ZNF565: variants seen among roughly 807,000 people sequenced by gnomAD.
ZNF565 encodes the protein zinc finger protein 565.
ZNF565 carries 27 observed loss-of-function variants against 39.4 expected under a neutral mutation model. That is an observed-to-expected ratio of 0.69 (90% CI 0.51 to 0.95). The LOEUF is 0.95. Ranked by LOEUF, ZNF565 falls within the 40% of genes least tolerant of loss-of-function variation. The pLI is 0.00. For synonymous variants in ZNF565, 185 were observed against 216.6 expected (o/e 0.85, Z 1.28); for missense variants, 524 against 621.1 (o/e 0.84, Z 1.66).
At chr19:36,190,524 G>A (rs1051557088) in intron 4 of ZNF565, among the ~76,000 whole-genome samples, 1 of 150,184 alleles carries the variant, frequency 6.7e-6, no homozygotes, top group African/African-American at 2.5e-5. Context: ...TGCGATGAGC[G>A]GAGATCTCGC....
At chr19:36,199,506 C>CTT (rs1183093969) in intron 2 of ZNF565, among the ~76,000 whole-genome samples, 29 of 128,910 alleles carry the variant, frequency 2.2e-4, no homozygotes, top group African/African-American at 3.9e-4. Flanking sequence ...CTTTCTTTCT[C>CTT]TTTTTTTTTT....
At chr19:36,190,010 T>C (rs1341809243) in intron 4 of ZNF565, among the ~76,000 whole-genome samples, 3 of 151,858 alleles carry the variant, frequency 2.0e-5, no homozygotes, top group Admixed American at 2.0e-4. Flanking sequence ...ATTTTTGTAT[T>C]TTTAGTAGAG....
intron 1 of ZNF565, among the ~76,000 whole-genome samples, chr19:36,224,793 C>T (rs1599968954): frequency 1.3e-5 from 2 of 152,094 alleles, no homozygotes; most frequent in South Asian, 2.1e-4. Context: ...TCTTTATGTA[C>T]GTGATACGTA....
At chr19:36,185,481 C>G (rs962924317) in intron 4 of ZNF565, among the ~76,000 whole-genome samples, 1 of 151,798 alleles carries the variant, frequency 6.6e-6, no homozygotes, top group Non-Finnish European at 1.5e-5. Flanking sequence ...CAAAGCAGAT[C>G]CCTGCTTGTT....
chr19:36,183,219 T>G lies in ZNF565; in HGVS notation c.747A>C (p.Lys249Asn), dbSNP rs531969086. The change falls in exon 5 of 5, where the codon AAA becomes AAC. Residue 249 changes from lysine (K) to asparagine (N), a missense_variant. Physicochemically the swap from Lys to Asn is moderately conservative, Grantham distance 94. Transcript: ENST00000304116. The part of the protein sequence containing the change: ...ILHQRLHTGV[K>N]PYECKECGKT... The stretch of plus-strand genomic sequence containing the variant: ...TCCCACATTCTTTACATTCATAAGG[T>G]TTGACACCAGTATGAAGTCTCTGAT... The G allele has an allele frequency of 6.2e-7, 1 of 1,614,110 alleles. No individual in the cohort carries two copies. The highest frequency in any genetic ancestry group is 1.1e-5 in the South Asian group (1 of 91,086).
intron 1 of ZNF565, chr19:36,236,207 C>T (rs556382313): frequency 1.1e-5 from 5 of 457,554 alleles, no homozygotes; most frequent in South Asian, 4.2e-5. Context: ...GTGAAGGTAG[C>T]AATACTTCAT....
At chr19:36,226,374 C>G (rs1332487650) in intron 1 of ZNF565, among the ~76,000 whole-genome samples, 1 of 152,184 alleles carries the variant, frequency 6.6e-6, no homozygotes, top group Non-Finnish European at 1.5e-5. Flanking sequence ...GGTGATCAAG[C>G]TTTTTCAACA....
upstream of ZNF565, among the ~76,000 whole-genome samples, chr19:36,219,510 T>C (rs762434735): frequency 1.4e-4 from 21 of 152,244 alleles, no homozygotes; most frequent in Non-Finnish European, 3.1e-4. Flanking sequence ...CTGATGATTT[T>C]TTTTTTAATT....
In ZNF565 at chr19:36,195,135, C is replaced by T. The variant is rs766175480; in HGVS notation, c.31G>A (p.Val11Met). MAQGLVTFRD[V>M]AIEFSLEEWK... ...TCTTCCAGAGAGAACTCTATGGCCA[C>T]GTCCCTGAATGTCACCAGTCCCTGA... Residue 11 changes from valine (V) to methionine (M), a missense_variant, in exon 3 of 5, where the codon GTG (valine) becomes ATG (methionine). Coordinates refer to ENST00000304116, the MANE Select transcript of ZNF565 (RefSeq NM_152477.5). The T allele has an allele frequency of 4.3e-6, 7 of 1,613,946 alleles. No individual in the cohort carries two copies. The highest frequency in any genetic ancestry group is 3.3e-5 in the Admixed American group (2 of 59,974).
chr19:36,223,487 C>T (rs2145415048), intron 1 of ZNF565, among the ~76,000 whole-genome samples: 1 of 152,116 alleles, frequency 6.6e-6, no homozygotes, highest in African/African-American at 2.4e-5. Context: ...CTCAGCCTCC[C>T]AAGTAGCTGG....
intron 1 of ZNF565, among the ~76,000 whole-genome samples, chr19:36,235,076 G>T (rs1041849629): frequency 6.6e-6 from 1 of 151,726 alleles, no homozygotes; most frequent in African/African-American, 2.4e-5. Context: ...AGGTATGGTG[G>T]TGCACACCTG....
chr19:36,182,548 T>G lies in ZNF565; in HGVS notation c.1418A>C (p.Lys473Thr). 2 of 1,613,356 alleles carry G rather than the reference T, an allele frequency of 1.2e-6. No homozygotes were observed. Among genetic ancestry groups the G allele is most frequent in the Non-Finnish European group, 1.7e-6 (2 of 1,179,586 alleles). The change falls in exon 5 of 5, where the codon AAA (lysine) becomes ACA (threonine). Residue 473 changes from lysine to threonine, a missense_variant. Transcript: ENST00000304116. The part of the protein sequence containing the change: ...TEHQRIHPGI[K>T]PYECRECGQA... ...CCCACACTCTCTACATTCGTAAGGT[T>G]TGATACCAGGATGAATTCTCTGATG...
chr19:36,205,823 C>T (rs960888029), intron 1 of ZNF565, among the ~76,000 whole-genome samples: 4 of 152,128 alleles, frequency 2.6e-5, no homozygotes, highest in African/African-American at 9.7e-5. Context: ...GCTCTGGCAT[C>T]TGACACATAT....
chr19:36,222,199 C>T (rs538944104), intron 1 of ZNF565, among the ~76,000 whole-genome samples: 1 of 152,262 alleles, frequency 6.6e-6, no homozygotes, highest in East Asian at 1.9e-4. Context: ...GTTGGGATTA[C>T]AAGTGTGAGC....
intron 2 of ZNF565, among the ~76,000 whole-genome samples, chr19:36,198,128 T>A (rs1455691280): frequency 1.4e-5 from 2 of 143,932 alleles, no homozygotes; most frequent in African/African-American, 2.5e-5. Context: ...AAATTCCGTT[T>A]AAAAAAAAAA....
chr19:36,195,119 G>A lies in ZNF565; in HGVS notation c.47C>T (p.Ser16Phe). The change falls in exon 3 of 5, where the codon TCT (serine) becomes TTT (phenylalanine). Residue 16 changes from serine to phenylalanine, a missense_variant. Transcript: ENST00000304116. The part of the protein sequence containing the change: ...VTFRDVAIEF[S>F]LEEWKCLEPA... Reference sequence around the variant, plus strand: ...TTCCAGGCACTTCCATTCTTCCAGAGAGAACTCTATGGCCACGTCCCTGAA... The same window carrying A: ...TTCCAGGCACTTCCATTCTTCCAGAAAGAACTCTATGGCCACGTCCCTGAA... The A allele has an allele frequency of 6.2e-7, 1 of 1,614,150 alleles. No homozygotes were observed. The highest frequency in any genetic ancestry group is 8.5e-7 in the Non-Finnish European group (1 of 1,180,022).
intron 2 of ZNF565, among the ~76,000 whole-genome samples, chr19:36,200,440 T>A (rs960254482): frequency 6.6e-6 from 1 of 152,140 alleles, no homozygotes; most frequent in Non-Finnish European, 1.5e-5. Flanking sequence ...AGTGGCATTG[T>A]TTTACATTTT....
intron 1 of ZNF565, among the ~76,000 whole-genome samples, chr19:36,243,662 G>A (rs1459412932): frequency 2.0e-5 from 3 of 151,884 alleles, no homozygotes; most frequent in African/African-American, 7.3e-5. Context: ...CCAGCCAGAG[G>A]AGTCCAAAAG....
At position 36,230,578 on chromosome 19, in the gene ZNF565, A is replaced by G. The variant is rs78989652; in HGVS notation, c.55+14898T>C. Reference sequence around the variant, plus strand: ...AAGAGTGCGAGAGTGGGCGTGCAGCATTGGGTGGAAGATCATTAGCCAGAA... The same window carrying G: ...AAGAGTGCGAGAGTGGGCGTGCAGCGTTGGGTGGAAGATCATTAGCCAGAA... On this transcript the variant is annotated intron_variant, in intron 1 of 4. Coordinates refer to the ZNF565 transcript ENST00000355114. Among the ~76,000 whole-genome samples the G allele has an allele frequency of 5.6e-3, 852 of 152,306 alleles. 7 individuals carry two copies. Among genetic ancestry groups the G allele is most frequent in the African/African-American group, 0.019 (800 of 41,576 alleles).
Sources: gnomAD v4.1 joint callset for allele counts (sites outside exome capture counted in the v4.1 genomes callset) on GRCh38, gnomAD v4.1.1 for gene constraint, MANE v1.5 for transcripts, NCBI Gene and HGNC (gene_info 2026-07-23, HGNC 2026-07-21) for gene names.